The following EBF3 variants were observed in gnomAD, a reference collection of about 807,000 sequenced individuals.
EBF3 encodes EBF transcription factor 3.
A neutral mutation model predicts 77.1 loss-of-function variants in EBF3; 18 were observed. That is an observed-to-expected ratio of 0.23 (90% CI 0.16 to 0.35). The LOEUF (loss-of-function observed/expected upper bound fraction) is 0.35, where lower values mean the gene tolerates loss of function less well. EBF3 is among the 10% of genes least tolerant of loss of function. The probability of loss-of-function intolerance (pLI) is 1.00; values close to 1 mark genes in which losing one functional copy is unlikely to be tolerated. For synonymous variants in EBF3, 350 were observed against 343.5 expected (o/e 1.02, Z -0.21); for missense variants, 558 against 860.0 (o/e 0.65, Z 4.39).
At chr10:129,926,936 A>G (rs542853) in intron 6 of EBF3, among the ~76,000 whole-genome samples, 122,616 of 152,214 alleles carry the variant, frequency 0.81, 49,844 homozygotes, top group East Asian at 0.95. Flanking sequence ...CAAGGTGGGC[A>G]AGGTGCCGAT....
intron 6 of EBF3, among the ~76,000 whole-genome samples, chr10:129,881,781 G>T (rs754051947): frequency 6.6e-6 from 1 of 152,170 alleles, no homozygotes; most frequent in South Asian, 2.1e-4. Flanking sequence ...GGGGTGGAGG[G>T]GCAGCTGGGT....
intron 6 of EBF3, among the ~76,000 whole-genome samples, chr10:129,895,183 T>C (rs1200046868): frequency 1.3e-5 from 2 of 152,216 alleles, no homozygotes; most frequent in African/African-American, 2.4e-5. Context: ...GAGGACTATA[T>C]GGAATTGCTT....
At chr10:129,849,900 T>G (rs891929281) in intron 10 of EBF3, among the ~76,000 whole-genome samples, 1 of 152,254 alleles carries the variant, frequency 6.6e-6, no homozygotes, top group Non-Finnish European at 1.5e-5. Context: ...TGATGTAAAT[T>G]CTATATGTGT....
chr10:129,961,415 C>A (rs895259132), intron 4 of EBF3, among the ~76,000 whole-genome samples: 9 of 152,218 alleles, frequency 5.9e-5, no homozygotes, highest in Non-Finnish European at 1.2e-4. Context: ...CCAGAGACTG[C>A]ACAATGTCAA....
rs369433267 is a variant in EBF3, at chr10:129,840,863, G to A, written c.1542C>T (p.Ser514=). 1.8e-5 allele frequency: 29 copies of A among 1,613,560 alleles called. No homozygotes were observed. The highest frequency in any genetic ancestry group is 1.2e-4 in the African/African-American group (9 of 74,900). The change falls in exon 14 of 17, where the codon TCC becomes TCT. Residue 514 remains serine, a synonymous_variant. Coordinates refer to ENST00000440978, the MANE Select transcript of EBF3 (RefSeq NM_001375380.1). ...ACTTACTGCCGTAGGGAGAGTTAGC[G>A]GAGGAGCCATTAAGAAATCCAGGCG... is the stretch of plus-strand genomic sequence containing the variant. ...PGSPGFLNGS[S]ANSPYGIVPS...
At chr10:129,912,259 C>A (rs183086928) in intron 6 of EBF3, among the ~76,000 whole-genome samples, 8 of 152,332 alleles carry the variant, frequency 5.3e-5, no homozygotes, top group Admixed American at 5.2e-4. Context: ...CCCTGCGGCT[C>A]CTCTCCCCAC....
chr10:129,931,711 T>C (rs564581674), intron 6 of EBF3, among the ~76,000 whole-genome samples: 1 of 152,368 alleles, frequency 6.6e-6, no homozygotes, highest in South Asian at 2.1e-4. Context: ...CTATTGGTCT[T>C]GGTAACAGCA....
intron 6 of EBF3, among the ~76,000 whole-genome samples, chr10:129,917,608 G>C (rs1855967180): frequency 1.6e-5 from 2 of 122,512 alleles, no homozygotes; most frequent in African/African-American, 6.1e-5. Flanking sequence ...GCCTCTGAAT[G>C]GCCACTGCAT....
intron 5 of EBF3, 69 bp downstream of exon 5, chr10:129,958,865 G>C (rs1357005745): frequency 2.0e-6 from 3 of 1,507,566 alleles, no homozygotes; most frequent in Non-Finnish European, 2.7e-6. Flanking sequence ...GCCTGGACGC[G>C]GCGTCCTTTG....
intron 6 of EBF3, among the ~76,000 whole-genome samples, chr10:129,954,708 C>T (rs1858916615): frequency 6.6e-6 from 1 of 152,120 alleles, no homozygotes; most frequent in African/African-American, 2.4e-5. Context: ...CTTATCTGGT[C>T]AGAACCTGCT....
chr10:129,840,944 GCTGA>G lies in EBF3; in HGVS notation c.1457_1460del (p.Val486AlafsTer4). 6.2e-7 allele frequency: 1 copy of G among 1,613,900 alleles called. No homozygotes were observed. The highest frequency in any genetic ancestry group is 8.5e-7 in the Non-Finnish European group (1 of 1,179,994). The stretch of plus-strand genomic sequence containing the variant: ...CACTTCCATATCCATTCATGCTAGT[GCTGA>G]CTGTGTTGTAATTGGACTGCTGGGG... On this transcript the variant is annotated frameshift_variant, in exon 14 of 17. Transcript: ENST00000440978. LOFTEE classifies it high-confidence loss of function.
chr10:129,894,199 G>A lies in EBF3; in HGVS notation c.555-16350C>T, dbSNP rs570968602. Among the ~76,000 whole-genome samples, 3 of 152,308 alleles carry A rather than the reference G, an allele frequency of 2.0e-5. No homozygotes were observed. The South Asian group carries it at 6.2e-4, about 32-fold the overall frequency. On this transcript the variant is annotated intron_variant, in intron 6 of 16. Transcript: ENST00000440978. Reference sequence around the variant, plus strand: ...TCTGCACTTGGGTGTCTCCTGCGCAGAACTTTAGATGTTTAATTCATAAAT... The same window carrying A: ...TCTGCACTTGGGTGTCTCCTGCGCAAAACTTTAGATGTTTAATTCATAAAT...
chr10:129,905,408 A>T (rs1418550406), intron 6 of EBF3, among the ~76,000 whole-genome samples: 1 of 151,896 alleles, frequency 6.6e-6, no homozygotes, highest in South Asian at 2.1e-4. Flanking sequence ...GAAGGAAAAA[A>T]TTCTTTCTTA....
chr10:129,893,792 T>C (rs747573306), intron 6 of EBF3, among the ~76,000 whole-genome samples: 4 of 152,228 alleles, frequency 2.6e-5, no homozygotes, highest in Non-Finnish European at 4.4e-5. Context: ...GTTAATTTCA[T>C]TGATCAGTCT....
chr10:129,935,741 G>A lies in EBF3; in HGVS notation c.554+21517C>T, dbSNP rs1015734319. Among the ~76,000 whole-genome samples, 4 of 152,208 alleles carry A rather than the reference G, an allele frequency of 2.6e-5. No individual in the cohort carries two copies. The highest frequency in any genetic ancestry group is 4.8e-5 in the African/African-American group (2 of 41,462). ...CCAACCCCGCAGTCACTGCTGCACA[G>A]AAACAAAGACTAAGCCCATCTGGAG... is the stretch of plus-strand genomic sequence containing the variant. On this transcript the variant is annotated intron_variant, in intron 6 of 16. Transcript: ENST00000440978. This position sits in a 1 kb window ranked among gnomAD's most constrained non-coding sequence, Gnocchi z 4.2.
intron 10 of EBF3, among the ~76,000 whole-genome samples, chr10:129,854,189 TATC>T (rs1039194715): frequency 1.7e-4 from 26 of 152,314 alleles, no homozygotes; most frequent in African/African-American, 5.3e-4. Flanking sequence ...TTCTTCACTT[TATC>T]ATCAACTGTC....
chr10:129,937,510 T>C (rs948548015), intron 6 of EBF3, among the ~76,000 whole-genome samples: 1 of 152,118 alleles, frequency 6.6e-6, no homozygotes, highest in Non-Finnish European at 1.5e-5. Flanking sequence ...ACACAACCTG[T>C]GGGGGTCTGC....
chr10:129,892,027 G>A (rs145007430), intron 6 of EBF3, among the ~76,000 whole-genome samples: 1,983 of 152,324 alleles, frequency 0.013, 18 homozygotes, highest in Admixed American at 0.023. Flanking sequence ...TGATGGGCCC[G>A]CCTCTCTCTG....
At chr10:129,928,564 C>T (rs1856817969) in intron 6 of EBF3, among the ~76,000 whole-genome samples, 3 of 152,194 alleles carry the variant, frequency 2.0e-5, no homozygotes, top group Admixed American at 1.3e-4. Flanking sequence ...CACCACAATG[C>T]AGTCTTCATT....
Sources: gnomAD v4.1 joint callset for allele counts (sites outside exome capture counted in the v4.1 genomes callset) on GRCh38, gnomAD v4.1.1 for gene constraint, Gnocchi (gnomAD v3.1) non-coding constraint, MANE v1.5 for transcripts, NCBI Gene and HGNC (gene_info 2026-07-23, HGNC 2026-07-21) for gene names.